UCK2: variants seen among roughly 807,000 people sequenced by gnomAD.
UCK2 encodes the protein uridine-cytidine kinase 2.
Under a neutral mutation model 30.8 loss-of-function variants are expected in UCK2, and 6 were observed. That is an observed-to-expected ratio of 0.19 (90% CI 0.11 to 0.38). The LOEUF (loss-of-function observed/expected upper bound fraction) is 0.38, where lower values mean the gene tolerates loss of function less well. UCK2 is among the 10% of genes least tolerant of loss of function. UCK2 has a pLI of 1.00. For missense variants in UCK2, 210 were observed against 339.8 expected (o/e 0.62, Z 3.00); for synonymous variants, 125 against 133.6 (o/e 0.94, Z 0.45).
intron 1 of UCK2, among the ~76,000 whole-genome samples, chr1:165,851,958 T>G (rs1654608355): frequency 6.6e-6 from 1 of 152,248 alleles, no homozygotes; most frequent in East Asian, 1.9e-4. Context: ...GTATATGTAC[T>G]ACATTTTCTT....
intron 1 of UCK2, among the ~76,000 whole-genome samples, chr1:165,862,544 G>A (rs1464024942): frequency 6.6e-6 from 1 of 152,228 alleles, no homozygotes; most frequent in East Asian, 1.9e-4. Context: ...AGTATTTCAA[G>A]CACTGCTTTG....
Position 165,848,660 on chromosome 1 carries a change from C to CACA in UCK2, c.99+20728_99+20729insACA, listed in dbSNP as rs1557834775. Among the ~76,000 whole-genome samples the CACA allele has an allele frequency of 2.8e-4, 41 of 147,998 alleles. No homozygotes were observed. The South Asian group carries it at 7.0e-3, about 25-fold the overall frequency. ...AAACAAAACACACACACACACACAC[C>CACA]CACACACACACACACACCCCCAAAA... On this transcript the variant is annotated intron_variant, in intron 1 of 6. Transcript: ENST00000367879.
In UCK2 at chr1:165,847,622, A is replaced by C. The variant is rs1654485016; in HGVS notation, c.99+19690A>C. Reference sequence around the variant, plus strand: ...AGATCAGGTTTTTATTTTTTTCTAGAGATAGGATCTCACTATGTTTCCCAG... The same window carrying C: ...AGATCAGGTTTTTATTTTTTTCTAGCGATAGGATCTCACTATGTTTCCCAG... On this transcript the variant is annotated intron_variant, in intron 1 of 6. Coordinates refer to ENST00000367879, the MANE Select transcript of UCK2 (RefSeq NM_012474.5). 5.3e-5 allele frequency among the ~76,000 whole-genome samples: 8 copies of C among 152,194 alleles called. No individual in the cohort carries two copies. The South Asian group carries it at 1.7e-3, about 32-fold the overall frequency.
chr1:165,845,822 C>G (rs1654433263), intron 1 of UCK2, among the ~76,000 whole-genome samples: 1 of 152,144 alleles, frequency 6.6e-6, no homozygotes, highest in Non-Finnish European at 1.5e-5. Context: ...AGTGTGCCAC[C>G]ATGCCCAGCT....
intron 1 of UCK2, among the ~76,000 whole-genome samples, chr1:165,861,858 A>G (rs1049431067): frequency 6.6e-6 from 1 of 152,134 alleles, no homozygotes; most frequent in Non-Finnish European, 1.5e-5. Context: ...TCACCATGCC[A>G]GTCCTGCCTC....
intron 3 of UCK2, chr1:165,895,400 A>G (rs781072934): frequency 1.1e-5 from 10 of 896,112 alleles, no homozygotes; most frequent in Non-Finnish European, 1.3e-5. Context: ...CCTGGGTGAC[A>G]AAGTGAGACC....
rs1269500147 is a variant in UCK2 at position 165,890,256 on chromosome 1, A to G, written c.152A>G (p.Tyr51Cys). Residue 51 changes from tyrosine (Y) to cysteine (C), a missense_variant, in exon 2 of 7, where the codon TAT becomes TGT. Tyr to Cys is a radical substitution (Grantham distance 194). Around this residue, in one of 4 missense-constraint regions of UCK2, gnomAD observed 75 missense variants for 124.7 expected, o/e 0.60. Coordinates refer to ENST00000367879, the MANE Select transcript of UCK2 (RefSeq NM_012474.5). ...CTCCTGGGGCAGAATGAGGTGGACT[A>G]TCGCCAGAAGCAGGTGGTCATCCTG... ...VQLLGQNEVD[Y>C]RQKQVVILSQ... is the part of the protein sequence containing the mutation. 6.2e-7 allele frequency: 1 copy of G among 1,614,128 alleles called. No homozygotes were observed. The highest frequency in any genetic ancestry group is 1.7e-5 in the Admixed American group (1 of 60,020).
intron 1 of UCK2, among the ~76,000 whole-genome samples, chr1:165,828,437 C>G (rs932467917): frequency 3.3e-5 from 5 of 152,184 alleles, no homozygotes; most frequent in African/African-American, 7.2e-5. Context: ...ACGCGCGAGG[C>G]GGCATCCCGG....
chr1:165,827,781 C>T lies in UCK2; in HGVS notation c.-53C>T, dbSNP rs920936199. 16 of 1,314,520 alleles carry T rather than the reference C, an allele frequency of 1.2e-5. No individual in the cohort carries two copies. In the African/African-American group the frequency reaches 2.3e-4, roughly 19 times the overall value. 81.4% of individuals were successfully genotyped at this position (1,314,520 alleles called of 1,614,324 possible). On this transcript the variant is annotated 5_prime_UTR_variant, in exon 1 of 7. Transcript: ENST00000367879. ...GGAGGGAGTCCGACGCGGGCGCGGGCGGGGAGCGTGCGTCCGTTCGCACAG... is the reference window on the plus strand; with the variant it reads ...GGAGGGAGTCCGACGCGGGCGCGGGTGGGGAGCGTGCGTCCGTTCGCACAG...
chr1:165,830,314 C>CT (rs1163984204), intron 1 of UCK2, among the ~76,000 whole-genome samples: 1 of 117,002 alleles, frequency 8.5e-6, no homozygotes, highest in African/African-American at 3.6e-5. Flanking sequence ...GCTTTTTAAT[C>CT]TTTATTTTTT....
At chr1:165,828,081 C>G (rs569878104) in intron 1 of UCK2, 149 bp downstream of exon 1, 75 of 366,714 alleles carry the variant, frequency 2.0e-4, no homozygotes, top group African/African-American at 1.6e-3. Context: ...CCGAGTGCGC[C>G]CCGCGCGGCC....
intron 1 of UCK2, among the ~76,000 whole-genome samples, chr1:165,833,116 G>A (rs1473603904): frequency 2.0e-5 from 3 of 152,170 alleles, no homozygotes; most frequent in African/African-American, 7.2e-5. Flanking sequence ...GGCGCCCACT[G>A]CTCTGTTCTG....
chr1:165,836,442 T>C (rs1291961070), intron 1 of UCK2, among the ~76,000 whole-genome samples: 8 of 152,186 alleles, frequency 5.3e-5, no homozygotes, highest in Non-Finnish European at 1.2e-4. Context: ...ATGGACAGAA[T>C]ATTGTTATAT....
At chr1:165,840,430 C>G (rs1175165684) in intron 1 of UCK2, among the ~76,000 whole-genome samples, 2 of 152,140 alleles carry the variant, frequency 1.3e-5, no homozygotes, top group Non-Finnish European at 2.9e-5. Flanking sequence ...TTCAAGTATA[C>G]AATACATTGC....
chr1:165,899,091 A>G (rs1205889934), intron 4 of UCK2, among the ~76,000 whole-genome samples: 1 of 151,962 alleles, frequency 6.6e-6, no homozygotes, highest in Non-Finnish European at 1.5e-5. Flanking sequence ...ATTCCTGGAG[A>G]CTTGAGTTAG....
intron 1 of UCK2, among the ~76,000 whole-genome samples, chr1:165,847,797 CTTTG>C (rs1280252006): frequency 2.6e-5 from 4 of 151,472 alleles, no homozygotes; most frequent in Non-Finnish European, 4.4e-5. Context: ...AGGGTTTTTT[CTTTG>C]TTTGTTTTTT....
rs754349905 is a variant in UCK2 at position 165,907,777 on chromosome 1, C to A, written c.740C>A (p.Pro247His). 6.2e-7 allele frequency: 1 copy of A among 1,614,210 alleles called. No individual in the cohort carries two copies. The highest frequency in any genetic ancestry group is 2.2e-5 in the East Asian group (1 of 44,876). Residue 247 changes from proline to histidine, a missense_variant, in exon 7 of 7, where the codon CCT becomes CAT. By Grantham distance (77) the Pro-to-His change is moderately conservative. Around this residue, in one of 4 missense-constraint regions of UCK2, gnomAD observed 38 missense variants for 45.4 expected, o/e 0.84. Coordinates refer to ENST00000367879, the MANE Select transcript of UCK2 (RefSeq NM_012474.5). ...QTNGCLNGYT[P>H]SRKRQASESS... Reference sequence around the variant, plus strand: ...AATGGCTGTCTCAACGGCTACACCCCTTCACGCAAGAGGCAGGCATCGGAG... The same window carrying A: ...AATGGCTGTCTCAACGGCTACACCCATTCACGCAAGAGGCAGGCATCGGAG...
At chr1:165,880,566 G>GTGTGT (rs1557843943) in intron 1 of UCK2, among the ~76,000 whole-genome samples, 204 of 19,356 alleles carry the variant, frequency 0.011, 7 homozygotes, top group Admixed American at 0.033. Context: ...TTTTTTTGGG[G>GTGTGT]GTGTGTGTGT....
intron 1 of UCK2, among the ~76,000 whole-genome samples, chr1:165,872,343 G>A (rs1655216951): frequency 1.3e-5 from 2 of 152,160 alleles, no homozygotes; most frequent in South Asian, 2.1e-4. Flanking sequence ...TCAAAGTGCT[G>A]GGATTACAGG....
Sources: allele counts gnomAD v4.1 joint callset (sites outside exome capture counted in the v4.1 genomes callset), GRCh38; gene constraint gnomAD v4.1.1; regional missense constraint gnomAD v4.1.1; transcripts MANE v1.5; gene names NCBI Gene and HGNC (gene_info 2026-07-23, HGNC 2026-07-21).